Variants in FOXK1 observed in about 807,000 individuals in gnomAD.
FOXK1 encodes the protein forkhead box protein K1.
FOXK1 carries 19 observed loss-of-function variants against 51.9 expected under a neutral mutation model. The ratio of observed to expected loss-of-function variants is 0.37; its 90% CI spans 0.26 to 0.54. The LOEUF (loss-of-function observed/expected upper bound fraction) is 0.54, where lower values mean the gene tolerates loss of function less well. Among genes scored for constraint, FOXK1 ranks in the 20% least tolerant of loss-of-function variants. The pLI, the probability that FOXK1 is intolerant of heterozygous loss-of-function variation, is 0.87. For synonymous variants in FOXK1, 537 were observed against 482.6 expected (o/e 1.11, Z -1.48); for missense variants, 870 against 1,032.7 (o/e 0.84, Z 2.16).
In FOXK1 at chr7:4,771,342, C is replaced by T. The variant is rs1485984207; in HGVS notation, c.*8878C>T. On this transcript the variant is annotated 3_prime_UTR_variant, in exon 9 of 9. Coordinates refer to ENST00000328914, the MANE Select transcript of FOXK1 (RefSeq NM_001037165.2). ...TTGTTTTTCATTTATTTTAACTGTT[C>T]TTTTATCTATTAAATTGTTGTATGT... 6.6e-6 allele frequency: 1 copy of T among 152,574 alleles called. No homozygotes were observed. Among genetic ancestry groups the T allele is most frequent in the East Asian group, 1.9e-4 (1 of 5,190 alleles). 9.5% of individuals were successfully genotyped at this position (152,574 alleles called of 1,614,324 possible).
At chr7:4,738,131 A>G (rs1193660067) in intron 1 of FOXK1, among the ~76,000 whole-genome samples, 2 of 126,178 alleles carry the variant, frequency 1.6e-5, no homozygotes, top group East Asian at 2.2e-4. Context: ...TCAAAAAGAG[A>G]AAAAAAAAAA....
intron 1 of FOXK1, among the ~76,000 whole-genome samples, chr7:4,689,136 C>G (rs1404379813): frequency 6.6e-6 from 1 of 152,102 alleles, no homozygotes; most frequent in Non-Finnish European, 1.5e-5. Flanking sequence ...CACCACCACG[C>G]CTGGCTAATT....
intron 1 of FOXK1, among the ~76,000 whole-genome samples, chr7:4,726,705 C>G (rs1780385374): frequency 6.6e-6 from 1 of 152,098 alleles, no homozygotes; most frequent in South Asian, 2.1e-4. Flanking sequence ...CCATGTCGCT[C>G]TTGTTTCTTC....
rs1780695280 is a variant in FOXK1, at chr7:4,745,789, C to G, written c.746+4766C>G. Among the ~76,000 whole-genome samples, 1 of 151,914 alleles carries G rather than the reference C, an allele frequency of 6.6e-6. No individual in the cohort carries two copies. On this transcript the variant is annotated intron_variant, in intron 2 of 8. Coordinates refer to ENST00000328914, the MANE Select transcript of FOXK1 (RefSeq NM_001037165.2). The surrounding 1 kb of genome is among the most constrained non-coding windows in gnomAD (Gnocchi z 4.3). The stretch of plus-strand genomic sequence containing the variant: ...TGTGTAATCCAAGCTACTTGGGAGG[C>G]TGAGGCAGGAGAATTGCTTGAACCT...
rs550832935 is a variant in FOXK1, at chr7:4,744,682, A to G, written c.746+3659A>G. ...AGAAGCTGGGTGGCGGCCTCCTGTG[A>G]CTGCGAGTCCCCGTCAGGGGGTGCG... On this transcript the variant is annotated intron_variant, in intron 2 of 8. Transcript: ENST00000328914. 7.5e-4 allele frequency among the ~76,000 whole-genome samples: 114 copies of G among 152,338 alleles called. 1 individual carries two copies. Among genetic ancestry groups the G allele is most frequent in the African/African-American group, 2.5e-3 (106 of 41,576 alleles).
intron 1 of FOXK1, among the ~76,000 whole-genome samples, chr7:4,708,286 G>A (rs1384495414): frequency 6.6e-6 from 1 of 152,122 alleles, no homozygotes; most frequent in African/African-American, 2.4e-5. Context: ...CCGATGCTTT[G>A]TAAACATGAC....
Position 4,730,277 on chromosome 7 carries a change from G to A in FOXK1, c.561-10561G>A, listed in dbSNP as rs1204161050. ...CACACCCCCACATTGTTGTCACTGCGAGAACGGAGGGCCCAGAGCCGAGTA... is the reference window on the plus strand; with the variant it reads ...CACACCCCCACATTGTTGTCACTGCAAGAACGGAGGGCCCAGAGCCGAGTA... On this transcript the variant is annotated intron_variant, in intron 1 of 8. Transcript: ENST00000328914. The surrounding 1 kb of genome is among the most constrained non-coding windows in gnomAD (Gnocchi z 4.7). Among the ~76,000 whole-genome samples the A allele has an allele frequency of 2.0e-5, 3 of 152,200 alleles. No individual in the cohort carries two copies. The South Asian group carries it at 6.2e-4, about 31-fold the overall frequency.
At position 4,723,255 on chromosome 7, in the gene FOXK1, T is replaced by C. The variant is rs572719276; in HGVS notation, c.561-17583T>C. 6.6e-6 allele frequency among the ~76,000 whole-genome samples: 1 copy of C among 151,854 alleles called. No homozygotes were observed. Among genetic ancestry groups the C allele is most frequent in the Non-Finnish European group, 1.5e-5 (1 of 67,934 alleles). ...GTCCCCCGGCTCAGCACCGAGCAAG[T>C]GGGCCTGGACCCTGAAGGATGTGGC... is the stretch of plus-strand genomic sequence containing the variant. On this transcript the variant is annotated intron_variant, in intron 1 of 8. Transcript: ENST00000328914. This position sits in a 1 kb window ranked among gnomAD's most constrained non-coding sequence, Gnocchi z 4.7.
chr7:4,748,361 ACAT>A lies in FOXK1; in HGVS notation c.747-6091_747-6089del, dbSNP rs1456383566. ...CCCCCCTCCCCATCCCAGTAAAGTT[ACAT>A]CATCATGTCTGGTTTACCTTGCATG... On this transcript the variant is annotated intron_variant, in intron 2 of 8. Transcript: ENST00000328914. This position sits in a 1 kb window ranked among gnomAD's most constrained non-coding sequence, Gnocchi z 4.9. 2.6e-5 allele frequency among the ~76,000 whole-genome samples: 4 copies of A among 152,168 alleles called. No homozygotes were observed. The highest frequency in any genetic ancestry group is 9.7e-5 in the African/African-American group (4 of 41,438).
rs1044534257 is a variant in FOXK1, at chr7:4,766,761, A to G, written c.*4297A>G. On this transcript the variant is annotated 3_prime_UTR_variant, in exon 9 of 9. Transcript: ENST00000328914. This position sits in a 1 kb window ranked among gnomAD's most constrained non-coding sequence, Gnocchi z 5.5. ...ATTTTCTGTACTGGTTTGAGATCAC[A>G]GGCATCATTCAGCGAATGCTCTTGT... 3.3e-5 allele frequency: 5 copies of G among 152,282 alleles called. No individual in the cohort carries two copies. The East Asian group carries it at 9.7e-4, about 29-fold the overall frequency. The allele number at this position is 152,282 out of a possible 1,614,324, so 9.4% of individuals were successfully genotyped here. A position where few individuals can be genotyped will look rare whatever the true frequency, so the allele number is the denominator to read the frequency against.
Position 4,758,626 on chromosome 7 carries a change from CATTTAAA to C in FOXK1, c.1245-424_1245-418del. 5.6e-6 allele frequency: 1 copy of C among 180,164 alleles called. No homozygotes were observed. Among genetic ancestry groups the C allele is most frequent in the Non-Finnish European group, 1.2e-5 (1 of 86,886 alleles). 11.2% of individuals were successfully genotyped at this position (180,164 alleles called of 1,614,324 possible). On this transcript the variant is annotated intron_variant, in intron 5 of 8. Transcript: ENST00000328914. This position sits in a 1 kb window ranked among gnomAD's most constrained non-coding sequence, Gnocchi z 4.4. ...AAAAGTGTTCGAACGTCATTTGCAGCATTTAAACTGAGCTCCAAATGACGTTCAAACA... is the reference window on the plus strand; with the variant it reads ...AAAAGTGTTCGAACGTCATTTGCAGCCTGAGCTCCAAATGACGTTCAAACA...
intron 3 of FOXK1, 61 bp downstream of exon 3, chr7:4,754,676 G>A (rs771589507): frequency 3.1e-5 from 48 of 1,541,672 alleles, no homozygotes; most frequent in Admixed American, 5.6e-5. Context: ...ATAGTGACCC[G>A]GCGCGGGCGG....
Position 4,769,810 on chromosome 7 carries a change from A to G in FOXK1, c.*7346A>G, listed in dbSNP as rs773018115. Reference sequence around the variant, plus strand: ...TTTTGTTTTGTTTTAGCGTGATACTACAATGGAAAGACTCCTAGTTGGTTA... The same window carrying G: ...TTTTGTTTTGTTTTAGCGTGATACTGCAATGGAAAGACTCCTAGTTGGTTA... On this transcript the variant is annotated 3_prime_UTR_variant, in exon 9 of 9. Transcript: ENST00000328914. The surrounding 1 kb of genome is among the most constrained non-coding windows in gnomAD (Gnocchi z 4.1). The G allele has an allele frequency of 3.9e-5, 6 of 152,156 alleles. No homozygotes were observed. Among genetic ancestry groups the G allele is most frequent in the Non-Finnish European group, 8.8e-5 (6 of 68,034 alleles). The allele number at this position is 152,156 out of a possible 1,614,324, so 9.4% of individuals were successfully genotyped here.
At chr7:4,725,411 A>G (rs949227575) in intron 1 of FOXK1, among the ~76,000 whole-genome samples, 1 of 152,168 alleles carries the variant, frequency 6.6e-6, no homozygotes, top group Non-Finnish European at 1.5e-5. Context: ...CTGTTGCCCA[A>G]AGTGAAACCG....
Position 4,753,927 on chromosome 7 carries a change from G to A in FOXK1, c.747-532G>A, listed in dbSNP as rs781540755. On this transcript the variant is annotated intron_variant, in intron 2 of 8. Coordinates refer to ENST00000328914, the MANE Select transcript of FOXK1 (RefSeq NM_001037165.2). This position sits in a 1 kb window ranked among gnomAD's most constrained non-coding sequence, Gnocchi z 4.9. ...AAAACTGCAGGGGTCATCTCTTCCC[G>A]AGGGCGGTGTCTCCAGGAGAGCCAC... 4.6e-5 allele frequency among the ~76,000 whole-genome samples: 7 copies of A among 152,308 alleles called. No homozygotes were observed. Among genetic ancestry groups the A allele is most frequent in the African/African-American group, 1.4e-4 (6 of 41,570 alleles).
chr7:4,695,092 AAGG>A (rs1779935896), intron 1 of FOXK1, among the ~76,000 whole-genome samples: 1 of 152,248 alleles, frequency 6.6e-6, no homozygotes, highest in African/African-American at 2.4e-5. Context: ...GCTCCAGAAG[AAGG>A]AGAACTGCAA....
chr7:4,728,134 T>C (rs1369054070), intron 1 of FOXK1, among the ~76,000 whole-genome samples: 1 of 152,166 alleles, frequency 6.6e-6, no homozygotes, highest in Non-Finnish European at 1.5e-5. Context: ...AGCTTCTGTT[T>C]GGAGCAGTTC....
At chr7:4,704,671 A>C (rs952120012) in intron 1 of FOXK1, among the ~76,000 whole-genome samples, 3 of 152,058 alleles carry the variant, frequency 2.0e-5, no homozygotes, top group Admixed American at 1.3e-4. Flanking sequence ...CATCAGTGAC[A>C]GCAGCGTCAG....
rs1272631386 is a variant in FOXK1 at position 4,759,166 on chromosome 7, G to T, written c.1360G>T (p.Gly454Trp). ...GSPIPHDPEF[G>W]SKLASVPEYR... ...CCCCATTCCACACGACCCTGAGTTT[G>T]GGTCCAAGTTAGCTTCTGTCCCAGA... The change falls in exon 6 of 9, where the codon GGG becomes TGG. Residue 454 changes from glycine to tryptophan, a missense_variant. Gly to Trp is a radical substitution (Grantham distance 184, BLOSUM62 -2). Coordinates refer to ENST00000328914, the MANE Select transcript of FOXK1 (RefSeq NM_001037165.2). 1 of 1,612,858 alleles carries T rather than the reference G, an allele frequency of 6.2e-7. No homozygotes were observed.
Sources: gnomAD v4.1 joint callset for allele counts (sites outside exome capture counted in the v4.1 genomes callset) on GRCh38, gnomAD v4.1.1 for gene constraint, Gnocchi (gnomAD v3.1) non-coding constraint, MANE v1.5 for transcripts, NCBI Gene and HGNC (gene_info 2026-07-23, HGNC 2026-07-21) for gene names.